Variants in SLC22A14 observed in about 807,000 individuals in gnomAD.
SLC22A14 encodes the protein solute carrier family 22 member 14, also known as organic cation transporter-like 4.
A neutral mutation model predicts 53.9 loss-of-function variants in SLC22A14; 50 were observed. That is an observed-to-expected ratio of 0.93 (90% confidence interval 0.74 to 1.17). The LOEUF is 1.17. SLC22A14 is among the 50% of genes most tolerant of loss of function. The probability of loss-of-function intolerance (pLI) is 0.00; values close to 1 mark genes in which losing one functional copy is unlikely to be tolerated. For missense variants in SLC22A14, 671 were observed against 734.7 expected (o/e 0.91, Z 1.00); for synonymous variants, 312 against 303.0 (o/e 1.03, Z -0.31).
At chr3:38,280,417 T>C (rs1350585093), upstream of SLC22A14, among the ~76,000 whole-genome samples, 1 of 152,196 alleles carries the variant, frequency 6.6e-6, no homozygotes, top group African/African-American at 2.4e-5. Context: ...TTTACTAGTT[T>C]TCTCAACCTG....
chr3:38,306,574 C>G, intron 2 of SLC22A14, 32 bp downstream of exon 2: 1 of 1,575,196 alleles, frequency 6.3e-7, no homozygotes, highest in South Asian at 1.2e-5. Flanking sequence ...CTGTAACTAC[C>G]CTACAGGCTC....
At chr3:38,284,427 C>T (rs1012273103) in intron 1 of SLC22A14, among the ~76,000 whole-genome samples, 1 of 152,210 alleles carries the variant, frequency 6.6e-6, no homozygotes, top group Non-Finnish European at 1.5e-5. Context: ...CCCCACAGAT[C>T]CCTGCCCTCT....
chr3:38,312,977 A>G, intron 5 of SLC22A14, 22 bp from the exon 6 acceptor site: 2 of 1,571,198 alleles, frequency 1.3e-6, no homozygotes, highest in Non-Finnish European at 1.7e-6. Context: ...ACGGTGAGAT[A>G]AGAGAGGGGC....
intron 1 of SLC22A14, among the ~76,000 whole-genome samples, chr3:38,289,914 G>A (rs1703875217): frequency 6.6e-6 from 1 of 152,248 alleles, no homozygotes; most frequent in Non-Finnish European, 1.5e-5. Context: ...GGGACCCAAA[G>A]GGGGTAGCTG....
chr3:38,305,031 T>TG (rs1407934947), intron 1 of SLC22A14: 1 of 152,234 alleles, frequency 6.6e-6, no homozygotes, highest in Non-Finnish European at 1.5e-5. Context: ...AACAACAACT[T>TG]GCCGTTCAAC....
intron 5 of SLC22A14, among the ~76,000 whole-genome samples, chr3:38,310,988 T>TACCA (rs1444200091): frequency 6.6e-6 from 1 of 152,210 alleles, no homozygotes; most frequent in Non-Finnish European, 1.5e-5. Flanking sequence ...CTGTCTGGAA[T>TACCA]ACCAGGACAA....
chr3:38,307,729 G>C lies in SLC22A14; in HGVS notation c.775+9G>C. The C allele has an allele frequency of 1.2e-6, 2 of 1,613,776 alleles. No individual in the cohort carries two copies. Among genetic ancestry groups the C allele is most frequent in the Non-Finnish European group, 1.7e-6 (2 of 1,179,836 alleles). On this transcript the variant is annotated intron_variant, in intron 4 of 10. Transcript: ENST00000448498. This position sits in a 1 kb window ranked among gnomAD's most constrained non-coding sequence, Gnocchi z 4.4. ...CAGCAGCATTTCTTTGGGTGAGACT[G>C]GGCCTCAATGGGGCAGGGCAGGGTG... is the stretch of plus-strand genomic sequence containing the variant.
In SLC22A14 at chr3:38,306,605, C is replaced by T. The variant is rs1355829611; in HGVS notation, c.516+63C>T. The T allele has an allele frequency of 2.3e-5, 33 of 1,443,886 alleles. 1 individual carries two copies. Among genetic ancestry groups the T allele is most frequent in the Middle Eastern group, 3.6e-4 (2 of 5,536 alleles). The allele number at this position is 1,443,886 out of a possible 1,614,324, so 89.4% of individuals were successfully genotyped here. A position where few individuals can be genotyped will look rare whatever the true frequency, so the allele number is the denominator to read the frequency against. ...GGCTCAGAGTTGTGCCTCCCACCCT[C>T]ACTGAATGGGTGGGGAAACCGAAGC... On this transcript the variant is annotated intron_variant, in intron 2 of 10. Coordinates refer to ENST00000448498, the MANE Select transcript of SLC22A14 (RefSeq NM_001320033.2).
rs200370977 is a variant in SLC22A14 at position 38,316,327 on chromosome 3, G to A, written c.1536G>A (p.Ala512=). Residue 512 remains alanine, a synonymous_variant, in exon 10 of 11, where the codon GCG becomes GCA. Transcript: ENST00000448498. ...TAELLPTVLR[A]TGLGLVSLAS... ...GAGCTCTCACCTCCACTTTCAGGGCGACAGGTCTGGGGCTGGTGTCTCTGG... is the reference window on the plus strand; with the variant it reads ...GAGCTCTCACCTCCACTTTCAGGGCAACAGGTCTGGGGCTGGTGTCTCTGG... 2.4e-4 allele frequency: 387 copies of A among 1,613,948 alleles called. No individual in the cohort carries two copies. Among genetic ancestry groups the A allele is most frequent in the South Asian group, 7.6e-4 (69 of 91,072 alleles).
intron 9 of SLC22A14, 127 bp downstream of exon 9, chr3:38,315,838 T>A: frequency 2.0e-6 from 2 of 992,962 alleles, no homozygotes; most frequent in Non-Finnish European, 3.0e-6. Context: ...TTTACATAAG[T>A]GATCTCATTT....
chr3:38,283,118 T>G (rs544023075), intron 1 of SLC22A14, among the ~76,000 whole-genome samples: 12 of 152,206 alleles, frequency 7.9e-5, no homozygotes, highest in African/African-American at 2.9e-4. Flanking sequence ...CCTTGCATCT[T>G]CAAAGCCACC....
upstream of SLC22A14, among the ~76,000 whole-genome samples, chr3:38,280,113 C>A (rs73825507): frequency 6.6e-6 from 1 of 152,330 alleles, no homozygotes; most frequent in East Asian, 1.9e-4. Context: ...CCCGTACCTG[C>A]CCATGTGATC....
At chr3:38,309,201 C>T (rs1704402697) in intron 5 of SLC22A14, 79 bp downstream of exon 5, 1 of 1,267,828 alleles carries the variant, frequency 7.9e-7, no homozygotes, top group Non-Finnish European at 1.1e-6. Flanking sequence ...GTCCTTGAAG[C>T]TGTGGGAATG....
chr3:38,316,563 C>T, intron 10 of SLC22A14, 39 bp downstream of exon 10: 1 of 1,574,726 alleles, frequency 6.4e-7, no homozygotes, highest in African/African-American at 1.3e-5. Flanking sequence ...CAGCACGGGG[C>T]CTGGCTCTGA....
At chr3:38,316,610 C>A in intron 10 of SLC22A14, 86 bp downstream of exon 10, 1 of 1,191,608 alleles carries the variant, frequency 8.4e-7, no homozygotes, top group Non-Finnish European at 1.2e-6. Flanking sequence ...CATTGTCCAT[C>A]CCCGCCCCTC....
chr3:38,316,477 G>C lies in SLC22A14; in HGVS notation c.1686G>C (p.Thr562=), dbSNP rs762351993. 1.2e-6 allele frequency: 2 copies of C among 1,614,008 alleles called. No homozygotes were observed. The highest frequency in any genetic ancestry group is 1.1e-5 in the South Asian group (1 of 91,074). Residue 562 remains threonine (T), a synonymous_variant, in exon 10 of 11, where the codon ACG becomes ACC. Transcript: ENST00000448498. ...CCCTCTCCTCCCTGCTGCCGGAAAC[G>C]CGAGATCAGCCCCTCTCCGAGAGCC... is the stretch of plus-strand genomic sequence containing the variant. The part of the protein sequence containing the change: ...AFSLSSLLPE[T]RDQPLSESLN...
chr3:38,308,693 G>T (rs1320469540), intron 4 of SLC22A14, among the ~76,000 whole-genome samples: 1 of 152,258 alleles, frequency 6.6e-6, no homozygotes, highest in Non-Finnish European at 1.5e-5. Context: ...TCAGACAGGG[G>T]ATGTGCAGAG....
chr3:38,281,280 T>G (rs941750795), upstream of SLC22A14, among the ~76,000 whole-genome samples: 1 of 152,232 alleles, frequency 6.6e-6, no homozygotes, highest in African/African-American at 2.4e-5. Flanking sequence ...ATACTTCATT[T>G]TTTTTCAAAT....
intron 5 of SLC22A14, 94 bp downstream of exon 5, chr3:38,309,216 G>A: frequency 2.7e-6 from 3 of 1,126,082 alleles, no homozygotes; most frequent in Non-Finnish European, 4.0e-6. Context: ...GGAATGGGTG[G>A]GATTTCCCCT....
Sources: gnomAD v4.1 joint callset for allele counts (sites outside exome capture counted in the v4.1 genomes callset) on GRCh38, gnomAD v4.1.1 for gene constraint, Gnocchi (gnomAD v3.1) non-coding constraint, MANE v1.5 for transcripts, NCBI Gene and HGNC (gene_info 2026-07-23, HGNC 2026-07-21) for gene names.